Variants in CYP20A1 observed in about 807,000 individuals in gnomAD.
CYP20A1 encodes the protein cytochrome P450 family 20 subfamily A member 1.
CYP20A1 carries 61 observed loss-of-function variants against 61.4 expected under a neutral mutation model. The ratio of observed to expected loss-of-function variants is 0.99; its 90% CI spans 0.81 to 1.23. The LOEUF (loss-of-function observed/expected upper bound fraction) is 1.23. Among genes scored for constraint, CYP20A1 ranks in the 50% most tolerant of loss-of-function variants. The pLI, the probability that CYP20A1 is intolerant of heterozygous loss-of-function variation, is 0.00. For synonymous variants in CYP20A1, 193 were observed against 188.2 expected (o/e 1.03, Z -0.21); for missense variants, 530 against 542.4 (o/e 0.98, Z 0.23).
At chr2:203,252,554 C>T (rs1018919197) in intron 4 of CYP20A1, among the ~76,000 whole-genome samples, 13 of 151,850 alleles carry the variant, frequency 8.6e-5, no homozygotes, top group African/African-American at 1.2e-4. Flanking sequence ...ACCATCACAC[C>T]GGGCTAATTT....
In CYP20A1 at chr2:203,252,103, C is replaced by T; in HGVS notation, c.426C>T (p.Leu142=). 1 of 1,604,884 alleles carries T rather than the reference C, an allele frequency of 6.2e-7. No individual in the cohort carries two copies. The highest frequency in any genetic ancestry group is 8.5e-7 in the Non-Finnish European group (1 of 1,175,008). Residue 142 remains leucine, a synonymous_variant, in exon 4 of 13, where the codon CTC becomes CTT. Transcript: ENST00000356079. ...TDSLKSNFAL[L]LKLSEELLDK... ...CTCTGAAGAGTAACTTTGCCCTCCT[C>T]CTAAAGGTAAGGTGATAAGTAGTTT...
intron 6 of CYP20A1, 146 bp from the exon 7 acceptor site, chr2:203,278,426 GA>G (rs1317869373): frequency 2.2e-6 from 1 of 449,194 alleles, no homozygotes; most frequent in Non-Finnish European, 4.0e-6. Flanking sequence ...AGAAAATGAT[GA>G]GTTTAAACAT....
At position 203,278,727 on chromosome 2, in the gene CYP20A1, A is replaced by G. The variant is rs777230344; in HGVS notation, c.795+39A>G. 47 of 1,146,290 alleles carry G rather than the reference A, an allele frequency of 4.1e-5. 1 individual carries two copies. In the South Asian group the frequency reaches 6.9e-4, roughly 17 times the overall value. 71.0% of individuals were successfully genotyped at this position (1,146,290 alleles called of 1,614,324 possible). ...TAAATGTTTATCAGGTAAAAAAATA[A>G]GCCAGAGCCAGGCACAATGGCTCAT... On this transcript the variant is annotated intron_variant, in intron 7 of 12. Coordinates refer to ENST00000356079, the MANE Select transcript of CYP20A1 (RefSeq NM_177538.3).
At chr2:203,287,901 T>G (rs1345913349) in intron 9 of CYP20A1, among the ~76,000 whole-genome samples, 2 of 151,850 alleles carry the variant, frequency 1.3e-5, no homozygotes, top group Admixed American at 1.3e-4. Flanking sequence ...CTGTATAGAT[T>G]CTCTTTTCGT....
At position 203,278,652 on chromosome 2, in the gene CYP20A1, T is replaced by G; in HGVS notation, c.759T>G (p.Ile253Met). The G allele has an allele frequency of 6.2e-7, 1 of 1,602,506 alleles. No homozygotes were observed. The highest frequency in any genetic ancestry group is 8.5e-7 in the Non-Finnish European group (1 of 1,172,662). The change falls in exon 7 of 13, where the codon ATT (isoleucine) becomes ATG (methionine). Residue 253 changes from isoleucine (I) to methionine (M), a missense_variant. By Grantham distance (10) the Ile-to-Met change is conservative (BLOSUM62 1). Coordinates refer to ENST00000356079, the MANE Select transcript of CYP20A1 (RefSeq NM_177538.3). ...KGRNFSQHIF[I>M]DSLVQGNLND... ...GGAACTTCAGTCAACATATTTTCATTGACTCCTTAGTACAAGGGAACCTTA... is the reference window on the plus strand; with the variant it reads ...GGAACTTCAGTCAACATATTTTCATGGACTCCTTAGTACAAGGGAACCTTA...
In CYP20A1 at chr2:203,280,057, A is replaced by C. The variant is rs1453143238; in HGVS notation, c.796-2A>C. 6.2e-7 allele frequency: 1 copy of C among 1,601,340 alleles called. No homozygotes were observed. The highest frequency in any genetic ancestry group is 1.1e-5 in the South Asian group (1 of 87,948). On this transcript the variant is annotated splice_acceptor_variant, in intron 7 of 12. Coordinates refer to ENST00000356079, the MANE Select transcript of CYP20A1 (RefSeq NM_177538.3). LOFTEE classifies it high-confidence loss of function. Reference sequence around the variant, plus strand: ...CTTTCTAAACTTAGTTTTGTTTCCTAGATCCTAGAAGACAGTATGATATTT... The same window carrying C: ...CTTTCTAAACTTAGTTTTGTTTCCTCGATCCTAGAAGACAGTATGATATTT...
rs2069099251 is a variant in CYP20A1, at chr2:203,303,466, C to T, written c.*6558C>T. Among the ~76,000 whole-genome samples, 1 of 151,756 alleles carries T rather than the reference C, an allele frequency of 6.6e-6. No homozygotes were observed. Among genetic ancestry groups the T allele is most frequent in the Non-Finnish European group, 1.5e-5 (1 of 67,942 alleles). On this transcript the variant is annotated 3_prime_UTR_variant, in exon 13 of 13. Coordinates refer to ENST00000356079, the MANE Select transcript of CYP20A1 (RefSeq NM_177538.3). ...ATTCCAGCACTTTGGGAGGCCAAGG[C>T]AGGTGAATCACTTGAGGCCAGGAGT...
In CYP20A1 at chr2:203,301,561, G is replaced by A. The variant is rs951878732; in HGVS notation, c.*4653G>A. ...GTTGAGATTGCAGGTGTGAGCCACG[G>A]CACCTGGTCCATAAAACATTTTTTT... On this transcript the variant is annotated 3_prime_UTR_variant, in exon 13 of 13. Coordinates refer to ENST00000356079, the MANE Select transcript of CYP20A1 (RefSeq NM_177538.3). Among the ~76,000 whole-genome samples the A allele has an allele frequency of 3.9e-5, 6 of 151,934 alleles. No homozygotes were observed. Among genetic ancestry groups the A allele is most frequent in the African/African-American group, 1.5e-4 (6 of 41,370 alleles).
At chr2:203,254,362 T>C (rs2066815666) in intron 4 of CYP20A1, among the ~76,000 whole-genome samples, 2 of 152,098 alleles carry the variant, frequency 1.3e-5, no homozygotes, top group South Asian at 4.1e-4. Flanking sequence ...CTGCCTAATA[T>C]GATGAAACCC....
intron 3 of CYP20A1, among the ~76,000 whole-genome samples, chr2:203,248,518 A>G (rs2066542023): frequency 6.6e-6 from 1 of 151,998 alleles, no homozygotes; most frequent in African/African-American, 2.4e-5. Flanking sequence ...TGGGTGACAG[A>G]GGGAGACTCC....
In CYP20A1 at chr2:203,303,895, CTTA is replaced by C. The variant is rs2069120184; in HGVS notation, c.*6990_*6992del. Among the ~76,000 whole-genome samples, 1 of 132,920 alleles carries C rather than the reference CTTA, an allele frequency of 7.5e-6. No individual in the cohort carries two copies. 87.2% of individuals were successfully genotyped at this position (132,920 alleles called of 152,430 possible). ...GTCTCAAAAAAAAAAAAAAAAAAAACTTATTGAGAGAATAATATACCACTAATA... is the reference window on the plus strand; with the variant it reads ...GTCTCAAAAAAAAAAAAAAAAAAAACTTGAGAGAATAATATACCACTAATA... On this transcript the variant is annotated 3_prime_UTR_variant, in exon 13 of 13. Coordinates refer to ENST00000356079, the MANE Select transcript of CYP20A1 (RefSeq NM_177538.3).
chr2:203,281,045 C>T (rs1246451181), intron 8 of CYP20A1, among the ~76,000 whole-genome samples: 2 of 152,128 alleles, frequency 1.3e-5, no homozygotes, highest in Non-Finnish European at 2.9e-5. Context: ...AAAAGAACTC[C>T]TCTCGTTGGA....
intron 5 of CYP20A1, 38 bp downstream of exon 5, chr2:203,266,719 C>G (rs2067337770): frequency 6.3e-7 from 1 of 1,577,902 alleles, no homozygotes; most frequent in African/African-American, 1.3e-5. Flanking sequence ...CTCTTTCAGG[C>G]TGGGCACGGC....
chr2:203,262,033 A>G (rs1296822758), intron 4 of CYP20A1, among the ~76,000 whole-genome samples: 1 of 152,122 alleles, frequency 6.6e-6, no homozygotes, highest in Non-Finnish European at 1.5e-5. Flanking sequence ...AGTGCACTGC[A>G]GGACCCTGAC....
intron 11 of CYP20A1, among the ~76,000 whole-genome samples, chr2:203,295,924 G>A (rs2068774151): frequency 6.6e-6 from 1 of 151,856 alleles, no homozygotes; most frequent in South Asian, 2.1e-4. Context: ...ACTCCAGCCT[G>A]GTGACAGAAC....
chr2:203,270,912 C>G (rs1043181980), intron 5 of CYP20A1, among the ~76,000 whole-genome samples: 1 of 145,782 alleles, frequency 6.9e-6, no homozygotes, highest in Non-Finnish European at 1.5e-5. Flanking sequence ...ACCATGTTCT[C>G]GAACTCCTTA....
intron 6 of CYP20A1, 37 bp from the exon 7 acceptor site, chr2:203,278,536 G>A: frequency 9.9e-7 from 1 of 1,012,302 alleles, no homozygotes; most frequent in Non-Finnish European, 1.5e-6. Context: ...CTCCACTAAT[G>A]CTTGTATTCT....
At chr2:203,248,941 A>T (rs975776882) in intron 3 of CYP20A1, among the ~76,000 whole-genome samples, 3 of 151,986 alleles carry the variant, frequency 2.0e-5, no homozygotes, top group Non-Finnish European at 4.4e-5. Context: ...CAACTCCTAG[A>T]CTCAAGCGAT....
chr2:203,280,169 C>A, intron 8 of CYP20A1, 56 bp downstream of exon 8: 1 of 1,374,558 alleles, frequency 7.3e-7, no homozygotes, highest in Non-Finnish European at 1.0e-6. Context: ...AGGCTGAGCA[C>A]AGTGGCTCAC....
Sources: gnomAD v4.1 joint callset for allele counts (sites outside exome capture counted in the v4.1 genomes callset) on GRCh38, gnomAD v4.1.1 for gene constraint, MANE v1.5 for transcripts, NCBI Gene and HGNC (gene_info 2026-07-23, HGNC 2026-07-21) for gene names.